Variants in SAMD3 observed in about 807,000 individuals in gnomAD.
The protein encoded by SAMD3 is sterile alpha motif domain-containing protein 3.
SAMD3 carries 63 observed loss-of-function variants against 58.5 expected under a neutral mutation model. That is an observed-to-expected ratio of 1.08 (90% CI 0.88 to 1.33). The LOEUF (loss-of-function observed/expected upper bound fraction) is 1.33, where lower values mean the gene tolerates loss of function less well. Among genes scored for constraint, SAMD3 ranks in the 40% most tolerant of loss-of-function variants. The probability of loss-of-function intolerance (pLI) is 0.00; values close to 1 mark genes in which losing one functional copy is unlikely to be tolerated. For missense variants in SAMD3, 604 were observed against 608.4 expected, an observed-to-expected ratio of 0.99 and a Z score of 0.08; for synonymous variants, 220 against 210.3, an observed-to-expected ratio of 1.05 and a Z score of -0.40.
intron 8 of SAMD3, among the ~76,000 whole-genome samples, chr6:130,158,196 T>TA (rs1272249889): frequency 5.9e-5 from 9 of 152,324 alleles, no homozygotes; most frequent in Admixed American, 3.3e-4. Flanking sequence ...CAATTTTTTT[T>TA]ATCAGAACTT....
chr6:130,315,159 G>A (rs868760332), intron 1 of SAMD3, among the ~76,000 whole-genome samples: 4 of 152,000 alleles, frequency 2.6e-5, no homozygotes, highest in South Asian at 2.1e-4. Context: ...TGTAACCTAT[G>A]TGCTTACATG....
At chr6:130,274,726 T>C (rs1774711502) in intron 2 of SAMD3, among the ~76,000 whole-genome samples, 1 of 151,502 alleles carries the variant, frequency 6.6e-6, no homozygotes, top group Non-Finnish European at 1.5e-5. Context: ...TCTGGAGTTC[T>C]GATAAAGGCA....
chr6:130,146,250 TA>T lies in SAMD3; in HGVS notation c.1024-70del, dbSNP rs1203035108. On this transcript the variant is annotated intron_variant, in intron 9 of 11. Transcript: ENST00000439090. ...AGCTAATATATAGAATGTAAAGACA[TA>T]AAACCTTTAGAATTAAGCTTTGAAT... 263 of 987,190 alleles carry T rather than the reference TA, an allele frequency of 2.7e-4. 1 individual carries two copies. The Middle Eastern group carries it at 3.2e-3, about 12-fold the overall frequency. 61.2% of individuals were successfully genotyped at this position (987,190 alleles called of 1,614,324 possible). A position where few individuals can be genotyped will look rare whatever the true frequency, so the allele number is the denominator to read the frequency against.
intron 2 of SAMD3, among the ~76,000 whole-genome samples, chr6:130,274,458 G>A (rs369588169): frequency 2.9e-4 from 44 of 152,238 alleles, no homozygotes; most frequent in South Asian, 8.3e-4. Flanking sequence ...TATTTTAGTC[G>A]AGTGACATGT....
At chr6:130,304,601 C>T (rs188572296) in intron 2 of SAMD3, among the ~76,000 whole-genome samples, 42 of 152,242 alleles carry the variant, frequency 2.8e-4, no homozygotes, top group African/African-American at 9.6e-4. Flanking sequence ...GAAGTTAAAA[C>T]AAATCTCTCC....
chr6:130,191,509 A>G (rs117695917), intron 5 of SAMD3, among the ~76,000 whole-genome samples: 1,994 of 152,322 alleles, frequency 0.013, 18 homozygotes, highest in South Asian at 0.042. Context: ...TCCCCATGAA[A>G]GTAGATAATA....
intron 1 of SAMD3, among the ~76,000 whole-genome samples, chr6:130,327,851 T>C (rs1159862495): frequency 1.3e-5 from 2 of 152,156 alleles, no homozygotes; most frequent in Non-Finnish European, 2.9e-5. Context: ...ATGAAACCTA[T>C]ACGTGAAGAG....
intron 1 of SAMD3, among the ~76,000 whole-genome samples, chr6:130,356,601 G>C (rs1777836362): frequency 6.6e-6 from 1 of 152,204 alleles, no homozygotes; most frequent in Non-Finnish European, 1.5e-5. Context: ...CATAGTAGTA[G>C]GAACACATGA....
chr6:130,146,591 C>A (rs1788648566), intron 9 of SAMD3, among the ~76,000 whole-genome samples: 1 of 152,162 alleles, frequency 6.6e-6, no homozygotes, highest in African/African-American at 2.4e-5. Flanking sequence ...TTTTAGGAAG[C>A]AAGCCCTGAC....
intron 2 of SAMD3, among the ~76,000 whole-genome samples, chr6:130,295,828 C>G (rs1048425971): frequency 6.6e-6 from 1 of 152,180 alleles, no homozygotes; most frequent in Non-Finnish European, 1.5e-5. Context: ...TTCTAGGCTG[C>G]TGCCACTTCC....
chr6:130,220,966 G>T (rs1338719594), intron 1 of SAMD3, among the ~76,000 whole-genome samples: 3 of 152,018 alleles, frequency 2.0e-5, no homozygotes, highest in South Asian at 2.1e-4. Flanking sequence ...CCATTCTCCT[G>T]CCTCAACCTC....
intron 1 of SAMD3, among the ~76,000 whole-genome samples, chr6:130,221,089 T>C (rs35135398): frequency 0.14 from 21,436 of 151,950 alleles, 3,186 homozygotes; most frequent in African/African-American, 0.38. Flanking sequence ...CTCCTGACCT[T>C]GTGATCTGCC....
intron 9 of SAMD3, among the ~76,000 whole-genome samples, chr6:130,147,234 C>T (rs1447021700): frequency 6.6e-6 from 1 of 152,198 alleles, no homozygotes; most frequent in Non-Finnish European, 1.5e-5. Context: ...TCACATACTA[C>T]CCACTGGGCC....
At chr6:130,352,527 C>T (rs6914528) in intron 1 of SAMD3, among the ~76,000 whole-genome samples, 38,540 of 151,070 alleles carry the variant, frequency 0.26, 6,162 homozygotes, top group African/African-American at 0.46. Context: ...CCCAAATACC[C>T]ACCTGATCCA....
At chr6:130,271,165 G>A (rs4895872) in intron 2 of SAMD3, among the ~76,000 whole-genome samples, 47,189 of 151,672 alleles carry the variant, frequency 0.31, 7,707 homozygotes, top group East Asian at 0.47. Context: ...ATACTTGGCT[G>A]GTTTTTGGAT....
At position 130,146,052 on chromosome 6, in the gene SAMD3, G is replaced by A; in HGVS notation, c.1153C>T (p.Gln385Ter). The change falls in exon 10 of 12, where the codon CAA (glutamine) becomes TAA (stop). Residue 385 changes from glutamine (Q) to a stop codon, truncating the protein, a stop_gained. Transcript: ENST00000439090. LOFTEE classifies it high-confidence loss of function. The stretch of plus-strand genomic sequence containing the variant: ...TCTGTGTAATGTTTCATTTTTTCTT[G>A]CAATACAATATTGATTGGATTGTCC... Reference protein sequence around the residue: ...VVDNPINIVLQEKMKHYTDED... With the variant: ...VVDNPINIVL 1 of 1,567,160 alleles carries A rather than the reference G, an allele frequency of 6.4e-7. No homozygotes were observed. The highest frequency in any genetic ancestry group is 8.6e-7 in the Non-Finnish European group (1 of 1,159,646).
At chr6:130,304,064 C>T (rs1400302981) in intron 2 of SAMD3, among the ~76,000 whole-genome samples, 1 of 151,706 alleles carries the variant, frequency 6.6e-6, no homozygotes, top group Non-Finnish European at 1.5e-5. Flanking sequence ...AAATGTTTTC[C>T]CTTTCAAATG....
chr6:130,339,349 G>A (rs751946356), intron 1 of SAMD3, among the ~76,000 whole-genome samples: 21 of 152,010 alleles, frequency 1.4e-4, no homozygotes, highest in African/African-American at 5.1e-4. Context: ...TCCCAGCCCC[G>A]AATCTCATCT....
At chr6:130,153,024 A>C (rs1789366657) in intron 9 of SAMD3, among the ~76,000 whole-genome samples, 1 of 152,226 alleles carries the variant, frequency 6.6e-6, no homozygotes, top group African/African-American at 2.4e-5. Flanking sequence ...AGTGATCACA[A>C]CAGCCTTACC....
Sources: allele counts gnomAD v4.1 joint callset (sites outside exome capture counted in the v4.1 genomes callset), GRCh38; gene constraint gnomAD v4.1.1; transcripts MANE v1.5; gene names NCBI Gene and HGNC (gene_info 2026-07-23, HGNC 2026-07-21).